Variants in RNF17 observed in about 807,000 individuals in gnomAD.
RNF17 encodes spermatogenesis associated 23.
In RNF17, 31 loss-of-function variants were observed where a neutral mutation model predicts 200.5. The ratio of observed to expected loss-of-function variants is 0.15; its 90% confidence interval spans 0.12 to 0.21. The LOEUF is 0.21. Among genes scored for constraint, RNF17 ranks in the 10% least tolerant of loss-of-function variants. The pLI is 1.00. For synonymous variants in RNF17, 606 were observed against 637.8 expected, an observed-to-expected ratio of 0.95 and a Z score of 0.75; for missense variants, 1,628 against 1,905.1, an observed-to-expected ratio of 0.85 and a Z score of 2.71.
chr13:24,825,940 C>T, intron 16 of RNF17, 168 bp downstream of exon 16: 1 of 983,354 alleles, frequency 1.0e-6, no homozygotes, highest in Non-Finnish European at 1.2e-6. Context: ...AATCTATCTT[C>T]TGATATTTTG....
intron 15 of RNF17, among the ~76,000 whole-genome samples, chr13:24,811,286 A>G (rs1320763218): frequency 1.3e-5 from 2 of 151,868 alleles, no homozygotes; most frequent in Non-Finnish European, 2.9e-5. Context: ...CACCAATCAG[A>G]CATAGATTTG....
intron 25 of RNF17, among the ~76,000 whole-genome samples, chr13:24,857,874 C>T (rs1469862595): frequency 6.6e-6 from 1 of 152,140 alleles, no homozygotes; most frequent in Non-Finnish European, 1.5e-5. Flanking sequence ...CCAGCCTGGG[C>T]AACAGAGTAA....
chr13:24,764,211 C>G lies in RNF17; in HGVS notation c.8C>G (p.Ala3Gly), dbSNP rs965826510. The change falls in exon 1 of 36, where the codon GCA becomes GGA. Residue 3 changes from alanine to glycine, a missense_variant. By Grantham distance (60) the Ala-to-Gly change is moderately conservative. Around this residue, in one of 5 missense-constraint regions of RNF17, gnomAD observed 502 missense variants for 501.7 expected, o/e 1.00. Transcript: ENST00000255324. MA[A>G]EASKTGPSRS... Reference sequence around the variant, plus strand: ...CAGAAGAAAGAGACAGCGATGGCGGCAGAGGCTTCGAAGACTGGGCCTTCT... The same window carrying G: ...CAGAAGAAAGAGACAGCGATGGCGGGAGAGGCTTCGAAGACTGGGCCTTCT... The G allele has an allele frequency of 1.3e-6, 2 of 1,592,962 alleles. No individual in the cohort carries two copies. The highest frequency in any genetic ancestry group is 1.7e-6 in the Non-Finnish European group (2 of 1,163,514).
At chr13:24,749,706 T>G in the RNF17 span, among the ~76,000 whole-genome samples, 1 of 152,182 alleles carries the variant, frequency 6.6e-6, no homozygotes, top group African/African-American at 2.4e-5. Context: ...TGAGAAGAAA[T>G]GCTGGACCTC....
In RNF17 at chr13:24,854,016, A is replaced by G. The variant is rs1892214184; in HGVS notation, c.3482A>G (p.Glu1161Gly). The G allele has an allele frequency of 1.2e-6, 2 of 1,614,178 alleles. No individual in the cohort carries two copies. The highest frequency in any genetic ancestry group is 1.7e-5 in the Admixed American group (1 of 60,036). Residue 1161 changes from glutamate to glycine, a missense_variant, in exon 25 of 36, where the codon GAG becomes GGG. Around this residue, in one of 5 missense-constraint regions of RNF17, gnomAD observed 609 missense variants for 681.9 expected, o/e 0.89. Transcript: ENST00000255324. ...ISEQKVSEFQ[E>G]KILEPRTTRG... ...GAACAGAAAGTGTCTGAATTTCAGG[A>G]GAAAATTCTAGAACCAAGAACCACT...
chr13:24,853,660 AT>A (rs1892174764), intron 24 of RNF17, among the ~76,000 whole-genome samples, 194 bp from the exon 25 acceptor site: 1 of 152,164 alleles, frequency 6.6e-6, no homozygotes, highest in African/African-American at 2.4e-5. Flanking sequence ...ATTTACTTAA[AT>A]TTTTATTGCT....
At chr13:24,827,859 C>T (rs1888917804) in intron 16 of RNF17, among the ~76,000 whole-genome samples, 1 of 151,942 alleles carries the variant, frequency 6.6e-6, no homozygotes, top group Admixed American at 6.6e-5. Flanking sequence ...GGGAGAGACA[C>T]TGTATCCTCT....
At chr13:24,792,963 T>C in intron 9 of RNF17, 79 bp from the exon 10 acceptor site, 1 of 928,914 alleles carries the variant, frequency 1.1e-6, no homozygotes, top group Non-Finnish European at 1.6e-6. Flanking sequence ...ATGTCCATGG[T>C]GGGAGTTTCT....
chr13:24,815,663 A>G (rs1311868139), intron 15 of RNF17, among the ~76,000 whole-genome samples: 2 of 152,146 alleles, frequency 1.3e-5, no homozygotes, highest in African/African-American at 4.8e-5. Context: ...TTAAGGGAAA[A>G]GCGTTTGTCT....
At chr13:24,853,693 TTAAAG>T (rs1393030726) in intron 24 of RNF17, among the ~76,000 whole-genome samples, 157 bp from the exon 25 acceptor site, 1 of 152,228 alleles carries the variant, frequency 6.6e-6, no homozygotes, top group Non-Finnish European at 1.5e-5. Flanking sequence ...GTCTCATAAT[TTAAAG>T]TAGTTTTAAT....
At chr13:24,845,263 G>A (rs893063658) in intron 22 of RNF17, among the ~76,000 whole-genome samples, 184 bp downstream of exon 22, 1 of 152,138 alleles carries the variant, frequency 6.6e-6, no homozygotes, top group Admixed American at 6.5e-5. Context: ...AGATAGGTGA[G>A]TATGAAAGTG....
intron 33 of RNF17, 78 bp downstream of exon 33, chr13:24,874,327 CTT>C: frequency 8.0e-7 from 1 of 1,248,472 alleles, no homozygotes; most frequent in Non-Finnish European, 1.1e-6. Context: ...ATTTTTGCCT[CTT>C]TTAAAAGAAA....
intron 6 of RNF17, among the ~76,000 whole-genome samples, chr13:24,785,538 C>T (rs2137591711): frequency 6.6e-6 from 1 of 152,266 alleles, no homozygotes; most frequent in Admixed American, 6.5e-5. Context: ...CAAAATGTTA[C>T]ATGCACACTT....
chr13:24,803,635 A>G (rs78462106), intron 14 of RNF17: 355 of 152,428 alleles, frequency 2.3e-3, no homozygotes, highest in Admixed American at 4.5e-3. Context: ...CAAAGATTCT[A>G]ATTTTTACCT....
chr13:24,850,133 C>G (rs1891709777), intron 22 of RNF17, among the ~76,000 whole-genome samples: 1 of 151,442 alleles, frequency 6.6e-6, no homozygotes, highest in Admixed American at 6.6e-5. Context: ...TAATATGGGC[C>G]CTCAGTAAAA....
chr13:24,829,563 T>C (rs1889157669), intron 16 of RNF17, among the ~76,000 whole-genome samples: 1 of 152,172 alleles, frequency 6.6e-6, no homozygotes, highest in African/African-American at 2.4e-5. Context: ...CATGGATATC[T>C]CCTACCATAG....
intron 15 of RNF17, among the ~76,000 whole-genome samples, chr13:24,807,331 G>A (rs1268583755): frequency 1.4e-4 from 21 of 150,772 alleles, no homozygotes; most frequent in African/African-American, 4.9e-4. Flanking sequence ...ACTTTTTAAT[G>A]ATTGCCATTC....
chr13:24,853,987 C>T lies in RNF17; in HGVS notation c.3453C>T (p.Ile1151=). Residue 1151 remains isoleucine, a synonymous_variant, in exon 25 of 36, where the codon ATC becomes ATT. Coordinates refer to ENST00000255324, the MANE Select transcript of RNF17 (RefSeq NM_031277.3). ...FDPDKKTADI[I]SEQKVSEFQE... is the part of the protein sequence containing the mutation. ...CTGACAAGAAAACTGCTGACATAAT[C>T]AGTGAACAGAAAGTGTCTGAATTTC... 1 of 1,614,102 alleles carries T rather than the reference C, an allele frequency of 6.2e-7. No homozygotes were observed. Among genetic ancestry groups the T allele is most frequent in the Non-Finnish European group, 8.5e-7 (1 of 1,180,004 alleles).
intron 5 of RNF17, among the ~76,000 whole-genome samples, chr13:24,780,141 C>T (rs1331723730): frequency 1.3e-5 from 2 of 152,104 alleles, no homozygotes; most frequent in African/African-American, 2.4e-5. Context: ...TCTTCAGCAC[C>T]TAGCAACAAA....
Sources: allele counts gnomAD v4.1 joint callset (sites outside exome capture counted in the v4.1 genomes callset), GRCh38; gene constraint gnomAD v4.1.1; regional missense constraint gnomAD v4.1.1; transcripts MANE v1.5; gene names NCBI Gene and HGNC (gene_info 2026-07-23, HGNC 2026-07-21).